The following TRRAP variants were observed in gnomAD, a reference collection of about 807,000 sequenced individuals.
TRRAP encodes the protein transformation/transcription domain associated protein, also known as transformation/transcription domain-associated protein.
TRRAP carries 41 observed loss-of-function variants against 438.8 expected under a neutral mutation model. That is an observed-to-expected ratio of 0.09 (90% CI 0.07 to 0.12). TRRAP has a LOEUF of 0.12. TRRAP is among the 10% of genes least tolerant of loss of function. TRRAP has a pLI of 1.00. For missense variants in TRRAP, 3,122 were observed against 5,055.1 expected, an observed-to-expected ratio of 0.62 and a Z score of 11.60; for synonymous variants, 1,994 against 1,962.9, an observed-to-expected ratio of 1.02 and a Z score of -0.42.
Position 98,956,162 on chromosome 7 carries a change from G to T in TRRAP, c.5954G>T (p.Arg1985Leu), listed in dbSNP as rs1554419703. ...VQHFKVYYPVRHHLVQHMVSA... is the reference protein window; with the variant it reads ...VQHFKVYYPVLHHLVQHMVSA... Reference sequence around the variant, plus strand: ...CGTCCGCAGGTGTACTACCCGGTACGGCACCACTTGGTGCAGCACATGGTG... The same window carrying T: ...CGTCCGCAGGTGTACTACCCGGTACTGCACCACTTGGTGCAGCACATGGTG... Residue 1985 changes from arginine to leucine, a missense_variant, in exon 42 of 73, where the codon CGG becomes CTG. Transcript: ENST00000456197. The surrounding 1 kb of genome is among the most constrained non-coding windows in gnomAD (Gnocchi z 4.5). 6.2e-7 allele frequency: 1 copy of T among 1,612,056 alleles called. No individual in the cohort carries two copies. The highest frequency in any genetic ancestry group is 1.7e-5 in the Admixed American group (1 of 60,018).
chr7:98,917,340 A>G, intron 19 of TRRAP, 83 bp from the exon 20 acceptor site: 1 of 1,543,104 alleles, frequency 6.5e-7, no homozygotes, highest in Non-Finnish European at 8.8e-7. Context: ...CAAGAGAAGG[A>G]GGGGCAGTTC....
intron 67 of TRRAP, among the ~76,000 whole-genome samples, chr7:99,001,805 A>T (rs111252907): frequency 6.6e-6 from 1 of 152,344 alleles, no homozygotes; most frequent in African/African-American, 2.4e-5. Flanking sequence ...CACTCCATTT[A>T]TCCCACAGAA....
At chr7:98,933,934 G>C (rs1174282524) in intron 27 of TRRAP, among the ~76,000 whole-genome samples, 5 of 152,210 alleles carry the variant, frequency 3.3e-5, no homozygotes, top group Non-Finnish European at 7.3e-5. Flanking sequence ...AGGTGAGCTG[G>C]AGAGCTTGAA....
intron 51 of TRRAP, among the ~76,000 whole-genome samples, chr7:98,968,175 C>T (rs1343956734): frequency 2.0e-5 from 3 of 152,150 alleles, no homozygotes; most frequent in African/African-American, 4.8e-5. Context: ...CATGTAACCA[C>T]ACCCGGCTGA....
chr7:98,917,767 C>T, intron 20 of TRRAP, 88 bp downstream of exon 20: 1 of 1,492,604 alleles, frequency 6.7e-7, no homozygotes, highest in Non-Finnish European at 9.0e-7. Context: ...GTGGGCTCTG[C>T]AAGATGGACC....
At chr7:98,945,890 T>C in intron 32 of TRRAP, 40 bp from the exon 33 acceptor site, 1 of 1,563,276 alleles carries the variant, frequency 6.4e-7, no homozygotes. Context: ...TTTACCTTTC[T>C]GTTGCCTTTT....
At chr7:98,939,249 C>T (rs1352656408) in intron 30 of TRRAP, among the ~76,000 whole-genome samples, 1 of 152,048 alleles carries the variant, frequency 6.6e-6, no homozygotes, top group Non-Finnish European at 1.5e-5. Flanking sequence ...CAACTATAAA[C>T]AGGAGTTTAT....
At chr7:98,947,644 C>T (rs1487846369) in intron 33 of TRRAP, among the ~76,000 whole-genome samples, 4 of 151,994 alleles carry the variant, frequency 2.6e-5, no homozygotes, top group East Asian at 1.9e-4. Flanking sequence ...TTAGTAGAGA[C>T]GGGGTTTCGC....
At chr7:98,918,791 C>T (rs1475408487) in intron 20 of TRRAP, among the ~76,000 whole-genome samples, 1 of 152,034 alleles carries the variant, frequency 6.6e-6, no homozygotes, top group Non-Finnish European at 1.5e-5. Context: ...CACTGTGGCT[C>T]ACGCCTGTAA....
chr7:98,945,045 T>C (rs1400003653), intron 31 of TRRAP, among the ~76,000 whole-genome samples: 3 of 152,180 alleles, frequency 2.0e-5, no homozygotes, highest in Non-Finnish European at 4.4e-5. Context: ...CCTCAGGTGA[T>C]CCACCTGCTT....
At chr7:98,912,749 T>C (rs1789332452) in intron 18 of TRRAP, among the ~76,000 whole-genome samples, 1 of 152,144 alleles carries the variant, frequency 6.6e-6, no homozygotes, top group African/African-American at 2.4e-5. Context: ...CTCTCAAATA[T>C]GGTGTGACAG....
intron 30 of TRRAP, among the ~76,000 whole-genome samples, chr7:98,939,804 T>C (rs1355016878): frequency 6.6e-6 from 1 of 152,262 alleles, no homozygotes; most frequent in African/African-American, 2.4e-5. Context: ...CTTTTGTGTA[T>C]GTCTCCTCTT....
chr7:98,955,074 ATAAACG>A lies in TRRAP; in HGVS notation c.5731-22_5731-17del, dbSNP rs782539772. ...CTTAAAGCCTTCCTTCTCATCCTCC[ATAAACG>A]TCTCTTCCCTGTTTTAGGTTTTTCA... On this transcript the variant is annotated intron_variant, in intron 40 of 72. Transcript: ENST00000456197. 6.2e-7 allele frequency: 1 copy of A among 1,601,154 alleles called. No individual in the cohort carries two copies. The highest frequency in any genetic ancestry group is 8.5e-7 in the Non-Finnish European group (1 of 1,169,592).
chr7:98,992,649 G>A (rs1369166320), intron 65 of TRRAP, among the ~76,000 whole-genome samples: 1 of 152,060 alleles, frequency 6.6e-6, no homozygotes, highest in African/African-American at 2.4e-5. Context: ...AGTCTTACCA[G>A]ATGTTGGTGA....
chr7:98,880,868 C>G (rs1282872242), intron 1 of TRRAP, among the ~76,000 whole-genome samples: 2 of 151,918 alleles, frequency 1.3e-5, no homozygotes, highest in African/African-American at 4.8e-5. Context: ...AGAGAAAATA[C>G]CGTAGGAAGG....
chr7:98,968,951 G>C lies in TRRAP; in HGVS notation c.7513-1161G>C, dbSNP rs575313751. Reference sequence around the variant, plus strand: ...AAAGACAAAGACAGACGACATATTGGCTGTGGCAGGTCCATGTGAATCGGT... The same window carrying C: ...AAAGACAAAGACAGACGACATATTGCCTGTGGCAGGTCCATGTGAATCGGT... On this transcript the variant is annotated intron_variant, in intron 51 of 72. Transcript: ENST00000456197. 2.6e-5 allele frequency among the ~76,000 whole-genome samples: 4 copies of C among 152,340 alleles called. No individual in the cohort carries two copies. The East Asian group carries it at 7.7e-4, about 29-fold the overall frequency.
chr7:98,994,558 G>A lies in TRRAP; in HGVS notation c.10048-29G>A. ...GGTTCTGGAGTGGAGGGCTGTGTTT[G>A]TCAGTTGTCTCTGGCTCTTTTCTAC... On this transcript the variant is annotated intron_variant, in intron 66 of 72. Coordinates refer to ENST00000456197, the MANE Select transcript of TRRAP (RefSeq NM_001375524.1). The surrounding 1 kb of genome is among the most constrained non-coding windows in gnomAD (Gnocchi z 4.8). 2 of 1,612,682 alleles carry A rather than the reference G, an allele frequency of 1.2e-6. No homozygotes were observed. The highest frequency in any genetic ancestry group is 1.8e-4 in the Middle Eastern group (1 of 5,514).
chr7:98,942,996 G>C lies in TRRAP; in HGVS notation c.4452G>C (p.Gly1484=), dbSNP rs563712589. Residue 1484 remains glycine, a synonymous_variant, in exon 31 of 73, where the codon GGG becomes GGC. Transcript: ENST00000456197. ...AAGTGGTGGTGATCACCCACAAAGGGGGCCAGAGGAGCGACGGAAACGTGA... is the reference window on the plus strand; with the variant it reads ...AAGTGGTGGTGATCACCCACAAAGGCGGCCAGAGGAGCGACGGAAACGTGA... ...WMEVVVITHK[G]GQRSDGNESI... is the part of the protein sequence containing the mutation. 1.4e-5 allele frequency: 22 copies of C among 1,614,150 alleles called. No individual in the cohort carries two copies. In the East Asian group the frequency reaches 4.9e-4, roughly 36 times the overall value.
intron 27 of TRRAP, among the ~76,000 whole-genome samples, chr7:98,934,386 A>G (rs1461662666): frequency 6.6e-6 from 1 of 152,194 alleles, no homozygotes; most frequent in Non-Finnish European, 1.5e-5. Context: ...GGATCATATG[A>G]TCTGGCTCTG....
Sources: gnomAD v4.1 joint callset for allele counts (sites outside exome capture counted in the v4.1 genomes callset) on GRCh38, gnomAD v4.1.1 for gene constraint, Gnocchi (gnomAD v3.1) non-coding constraint, MANE v1.5 for transcripts, NCBI Gene and HGNC (gene_info 2026-07-23, HGNC 2026-07-21) for gene names.